TMEM117: variants seen among roughly 807,000 people sequenced by gnomAD.
The protein encoded by TMEM117 is transmembrane protein 117.
A neutral mutation model predicts 52.4 loss-of-function variants in TMEM117; 27 were observed. That is an observed-to-expected ratio of 0.51 (90% CI 0.38 to 0.71). TMEM117 has a LOEUF of 0.71. Among genes scored for constraint, TMEM117 ranks in the 30% least tolerant of loss-of-function variants. The pLI is 0.00. For synonymous variants in TMEM117, 215 were observed against 206.3 expected, an observed-to-expected ratio of 1.04 and a Z score of -0.36; for missense variants, 556 against 630.5, an observed-to-expected ratio of 0.88 and a Z score of 1.26.
chr12:43,899,198 A>C (rs1944263602), intron 2 of TMEM117, among the ~76,000 whole-genome samples: 1 of 152,178 alleles, frequency 6.6e-6, no homozygotes, highest in Non-Finnish European at 1.5e-5. Context: ...AAAACCCAAA[A>C]TATTTTTCTT....
At chr12:43,813,259 T>TTTTTTTTTTTTTTTTC in the TMEM117 span, among the ~76,000 whole-genome samples, 2 of 131,212 alleles carry the variant, frequency 1.5e-5, no homozygotes, top group African/African-American at 6.1e-5. Flanking sequence ...TTTTTTTTTT[T>TTTTTTTTTTTTTTTTC]CTGAGACAGC....
chr12:44,342,640 CAA>C (rs1205448518), intron 6 of TMEM117, among the ~76,000 whole-genome samples: 121 of 84,464 alleles, frequency 1.4e-3, no homozygotes, highest in Middle Eastern at 8.5e-3. Flanking sequence ...GCTGATTAGT[CAA>C]AAAAAAAAAA....
intron 3 of TMEM117, among the ~76,000 whole-genome samples, chr12:44,038,616 G>A (rs1946748406): frequency 6.6e-6 from 1 of 152,348 alleles, no homozygotes; most frequent in East Asian, 1.9e-4. Context: ...GAGCCCAGCA[G>A]GCTCGAGTAA....
At chr12:44,256,201 T>C (rs1856916890) in intron 5 of TMEM117, among the ~76,000 whole-genome samples, 1 of 151,824 alleles carries the variant, frequency 6.6e-6, no homozygotes, top group Non-Finnish European at 1.5e-5. Context: ...TAAATTTATG[T>C]ATACTTAAAT....
At chr12:44,180,015 G>A (rs1353199668) in intron 4 of TMEM117, among the ~76,000 whole-genome samples, 1 of 152,044 alleles carries the variant, frequency 6.6e-6, no homozygotes, top group Non-Finnish European at 1.5e-5. Flanking sequence ...AAATAAAAAA[G>A]AAGGTTTATA....
At chr12:44,240,502 C>T (rs773519933) in intron 5 of TMEM117, among the ~76,000 whole-genome samples, 1 of 152,080 alleles carries the variant, frequency 6.6e-6, no homozygotes, top group Non-Finnish European at 1.5e-5. Context: ...GTGGTCTTTG[C>T]TATCCTCTCC....
chr12:44,210,066 G>C (rs7296077), intron 4 of TMEM117, among the ~76,000 whole-genome samples: 1 of 152,238 alleles, frequency 6.6e-6, no homozygotes, highest in South Asian at 2.1e-4. Flanking sequence ...TTAAGCACAA[G>C]AGAAAAATTT....
At chr12:44,363,785 G>A (rs1051961951) in intron 6 of TMEM117, among the ~76,000 whole-genome samples, 4 of 152,172 alleles carry the variant, frequency 2.6e-5, no homozygotes, top group Non-Finnish European at 5.9e-5. Context: ...TAAATGATTA[G>A]TTGAGGTATT....
chr12:43,869,896 C>G (rs1013547502), intron 2 of TMEM117, among the ~76,000 whole-genome samples: 1 of 152,154 alleles, frequency 6.6e-6, no homozygotes, highest in African/African-American at 2.4e-5. Context: ...AACTTTTATT[C>G]CTGATCCTCT....
intron 3 of TMEM117, among the ~76,000 whole-genome samples, chr12:43,979,032 C>T (rs1353243108): frequency 6.6e-6 from 1 of 151,298 alleles, no homozygotes; most frequent in East Asian, 1.9e-4. Context: ...AGTTAAATGC[C>T]TGAGAGAGTC....
intron 6 of TMEM117, among the ~76,000 whole-genome samples, chr12:44,319,810 A>G (rs1951107352): frequency 6.6e-6 from 1 of 151,916 alleles, no homozygotes. Flanking sequence ...AAAATTACCT[A>G]TTTTTTTTCT....
chr12:43,857,084 C>T (rs898985024), intron 2 of TMEM117, among the ~76,000 whole-genome samples: 8 of 152,160 alleles, frequency 5.3e-5, no homozygotes, highest in African/African-American at 1.9e-4. Context: ...CCCACACCTG[C>T]TTATTAGGTG....
rs543642402 is a variant in TMEM117 at position 44,022,140 on chromosome 12, A to G, written c.410+77798A>G. ...TTTTTATGTGAACATTAAAGACAAC[A>G]TTATTTAGTGAAACACTAAAGGACT... is the stretch of plus-strand genomic sequence containing the variant. On this transcript the variant is annotated intron_variant, in intron 3 of 7. Coordinates refer to ENST00000266534, the MANE Select transcript of TMEM117 (RefSeq NM_032256.3). 2.3e-3 allele frequency among the ~76,000 whole-genome samples: 354 copies of G among 152,356 alleles called. 3 individuals are homozygous for G. The highest frequency in any genetic ancestry group is 8.1e-3 in the African/African-American group (336 of 41,590).
At chr12:44,025,911 C>A (rs922271434) in intron 3 of TMEM117, among the ~76,000 whole-genome samples, 2 of 152,054 alleles carry the variant, frequency 1.3e-5, no homozygotes, top group African/African-American at 4.8e-5. Context: ...GCCCCCCCCA[C>A]CCATAGAGGT....
chr12:43,811,909 C>T, the TMEM117 span, among the ~76,000 whole-genome samples: 3 of 152,284 alleles, frequency 2.0e-5, no homozygotes, highest in East Asian at 1.9e-4. Flanking sequence ...TTTAGAAATA[C>T]TGTATATCTT....
At chr12:44,020,517 G>C (rs968603558) in intron 3 of TMEM117, among the ~76,000 whole-genome samples, 8 of 152,124 alleles carry the variant, frequency 5.3e-5, no homozygotes, top group Non-Finnish European at 1.0e-4. Flanking sequence ...TCTGATCTAC[G>C]AATTTAAAGG....
chr12:44,172,249 G>C (rs1447408015), intron 4 of TMEM117, among the ~76,000 whole-genome samples: 3 of 152,196 alleles, frequency 2.0e-5, no homozygotes. Flanking sequence ...TAAAACAACA[G>C]AAATGTGTTC....
intron 3 of TMEM117, among the ~76,000 whole-genome samples, chr12:44,093,643 T>C (rs1420207433): frequency 6.6e-6 from 1 of 152,090 alleles, no homozygotes; most frequent in Non-Finnish European, 1.5e-5. Context: ...AAACCAATCA[T>C]CCCAATGAAA....
chr12:44,310,235 A>G (rs906005754), intron 6 of TMEM117, among the ~76,000 whole-genome samples: 1 of 152,232 alleles, frequency 6.6e-6, no homozygotes. Flanking sequence ...AAGAAAAACT[A>G]TAGTAATATG....
Sources: gnomAD v4.1 joint callset for allele counts (sites outside exome capture counted in the v4.1 genomes callset) on GRCh38, gnomAD v4.1.1 for gene constraint, MANE v1.5 for transcripts, NCBI Gene and HGNC (gene_info 2026-07-23, HGNC 2026-07-21) for gene names.